The following DOCK1 variants were observed in gnomAD, a reference collection of about 807,000 sequenced individuals.
DOCK1 encodes the protein dedicator of cytokinesis protein 1.
Under a neutral mutation model 262.7 loss-of-function variants are expected in DOCK1, and 138 were observed. That is an observed-to-expected ratio of 0.53 (90% CI 0.46 to 0.61). The LOEUF (loss-of-function observed/expected upper bound fraction) is 0.61, where lower values mean the gene tolerates loss of function less well. Ranked by LOEUF, DOCK1 falls within the 20% of genes least tolerant of loss-of-function variation. DOCK1 has a pLI of 0.00. For missense variants in DOCK1, 1,908 were observed against 2,370.7 expected (o/e 0.80, Z 4.05); for synonymous variants, 866 against 867.4 (o/e 1.00, Z 0.03).
chr10:127,127,805 C>T, intron 27 of DOCK1, 41 bp downstream of exon 27: 1 of 1,547,960 alleles, frequency 6.5e-7, no homozygotes, highest in Non-Finnish European at 8.9e-7. Flanking sequence ...TTAACTGGGG[C>T]TGACAGCATC....
At chr10:127,384,708 G>A (rs995061530) in intron 37 of DOCK1, 82 bp from the exon 38 acceptor site, 59 of 1,430,896 alleles carry the variant, frequency 4.1e-5, no homozygotes, top group African/African-American at 1.4e-4. Flanking sequence ...GCCCACACGC[G>A]TGTCCGATGC....
chr10:127,090,902 T>A, intron 23 of DOCK1, among the ~76,000 whole-genome samples: 1 of 152,154 alleles, frequency 6.6e-6, no homozygotes, highest in East Asian at 1.9e-4. Context: ...GATGCACACC[T>A]GGCTTACTTC....
intron 36 of DOCK1, 136 bp from the exon 37 acceptor site, chr10:127,381,142 G>T: frequency 1.6e-6 from 1 of 629,612 alleles, no homozygotes; most frequent in Non-Finnish European, 2.4e-6. Context: ...AGTTTTTAAG[G>T]CATTTTGAAT....
At chr10:126,917,151 C>G (rs1291376952) in intron 1 of DOCK1, among the ~76,000 whole-genome samples, 1 of 152,200 alleles carries the variant, frequency 6.6e-6, no homozygotes, top group East Asian at 1.9e-4. Context: ...TGGGCAACAC[C>G]CTGGAGTCGA....
intron 22 of DOCK1, among the ~76,000 whole-genome samples, chr10:127,054,079 T>C (rs1219257608): frequency 2.6e-5 from 4 of 152,176 alleles, no homozygotes; most frequent in Non-Finnish European, 4.4e-5. Context: ...GAATAAGGAA[T>C]TGAAAGTGTG....
At chr10:127,369,437 A>G (rs1054753279) in intron 33 of DOCK1, among the ~76,000 whole-genome samples, 2 of 152,224 alleles carry the variant, frequency 1.3e-5, no homozygotes, top group African/African-American at 4.8e-5. Flanking sequence ...CTGCGATTAT[A>G]TTGAATTTCA....
intron 23 of DOCK1, among the ~76,000 whole-genome samples, chr10:127,076,024 C>T (rs190828539): frequency 2.2e-4 from 33 of 152,314 alleles, no homozygotes; most frequent in African/African-American, 7.7e-4. Flanking sequence ...CAGCACTGTT[C>T]TGTGCTGTGT....
chr10:127,279,250 T>G (rs1168888011), intron 29 of DOCK1, among the ~76,000 whole-genome samples: 1 of 152,220 alleles, frequency 6.6e-6, no homozygotes, highest in Non-Finnish European at 1.5e-5. Flanking sequence ...AATCAAAGCA[T>G]TTCATATTTA....
Position 127,324,422 on chromosome 10 carries a change from G to T in DOCK1, c.3045-14584G>T, listed in dbSNP as rs377349548. On this transcript the variant is annotated intron_variant, in intron 29 of 51. Coordinates refer to ENST00000623213, the MANE Select transcript of DOCK1 (RefSeq NM_001290223.2). ...GGGCAGATGGAGAAGACAGCCTCTGGGTCTCCAAACCCCTTTGGCTCTCAC... is the reference window on the plus strand; with the variant it reads ...GGGCAGATGGAGAAGACAGCCTCTGTGTCTCCAAACCCCTTTGGCTCTCAC... Among the ~76,000 whole-genome samples, 3 of 152,132 alleles carry T rather than the reference G, an allele frequency of 2.0e-5. No homozygotes were observed. In the East Asian group the frequency reaches 5.8e-4, roughly 29 times the overall value.
intron 27 of DOCK1, among the ~76,000 whole-genome samples, chr10:127,165,845 A>G (rs781552219): frequency 2.6e-5 from 4 of 152,154 alleles, no homozygotes; most frequent in African/African-American, 4.8e-5. Context: ...GTTAATGATT[A>G]CAGATCCTTC....
At chr10:127,432,560 T>C (rs1303191564) in intron 47 of DOCK1, among the ~76,000 whole-genome samples, 2 of 152,096 alleles carry the variant, frequency 1.3e-5, no homozygotes, top group Non-Finnish European at 2.9e-5. Context: ...TGGCTCGGGG[T>C]GCAGGTACCC....
At chr10:127,137,900 A>G (rs768054538) in intron 27 of DOCK1, 3 of 1,613,930 alleles carry the variant, frequency 1.9e-6, no homozygotes, top group African/African-American at 1.3e-5. Flanking sequence ...TTTGCTTGGG[A>G]GTTGAGGAGT....
In DOCK1 at chr10:127,374,129, G is replaced by T. The variant is rs138926927; in HGVS notation, c.3590G>T (p.Arg1197Leu). 2 of 1,613,662 alleles carry T rather than the reference G, an allele frequency of 1.2e-6. No individual in the cohort carries two copies. Among genetic ancestry groups the T allele is most frequent in the Non-Finnish European group, 1.7e-6 (2 of 1,179,760 alleles). The change falls in exon 35 of 52, where the codon CGC becomes CTC. Residue 1197 changes from arginine (R) to leucine (L), a missense_variant. Arg to Leu is a moderately radical substitution (Grantham distance 102). This residue lies in a region of DOCK1 where 518 missense variants were observed against 575.1 expected (regional missense o/e 0.90). Transcript: ENST00000623213. ...TGETFVKLVV[R>L]LMERLLDYRT... ...GAAACTTTTGTAAAACTCGTTGTGC[G>T]CTTAATGGAAAGGCTTTTGGATTAT...
At chr10:126,998,001 A>T (rs1170377790) in intron 7 of DOCK1, 91 bp from the exon 8 acceptor site, 1 of 1,509,442 alleles carries the variant, frequency 6.6e-7, no homozygotes, top group African/African-American at 1.4e-5. Flanking sequence ...CCAATGAGTT[A>T]TTACAATTTT....
In DOCK1 at chr10:127,407,735, C is replaced by T. The variant is rs187990920; in HGVS notation, c.4123-1302C>T. 5.4e-3 allele frequency among the ~76,000 whole-genome samples: 818 copies of T among 152,280 alleles called. 29 individuals carry two copies. Among genetic ancestry groups the T allele is most frequent in the Admixed American group, 0.05 (769 of 15,288 alleles). On this transcript the variant is annotated intron_variant, in intron 40 of 51. Transcript: ENST00000623213. ...GACTGCAGATGGGGCAGGGCTGCAG[C>T]TGACTTGGGAGCAGCCAACCTGGAG...
At chr10:127,363,056 T>TAC (rs2064681192) in intron 33 of DOCK1, among the ~76,000 whole-genome samples, 1 of 46,156 alleles carries the variant, frequency 2.2e-5, no homozygotes, top group Non-Finnish European at 3.7e-5. Context: ...CACACACACG[T>TAC]ACATCCCCAC....
At chr10:127,000,508 T>G in intron 10 of DOCK1, 1 of 706,468 alleles carries the variant, frequency 1.4e-6, no homozygotes, top group Non-Finnish European at 2.2e-6. Flanking sequence ...GTCCTCAAGT[T>G]TCAGATATAA....
chr10:127,345,603 T>C (rs1269181800), intron 31 of DOCK1, among the ~76,000 whole-genome samples: 2 of 152,218 alleles, frequency 1.3e-5, no homozygotes, highest in East Asian at 3.9e-4. Context: ...AAACAAGAAA[T>C]GCACTTGCTG....
At chr10:127,024,318 G>A (rs527526931) in intron 14 of DOCK1, among the ~76,000 whole-genome samples, 3 of 152,350 alleles carry the variant, frequency 2.0e-5, no homozygotes, top group South Asian at 4.1e-4. Context: ...ATGGCTGGAG[G>A]AAGGGGAGGG....
Sources: allele counts gnomAD v4.1 joint callset (sites outside exome capture counted in the v4.1 genomes callset), GRCh38; gene constraint gnomAD v4.1.1; regional missense constraint gnomAD v4.1.1; transcripts MANE v1.5; gene names NCBI Gene and HGNC (gene_info 2026-07-23, HGNC 2026-07-21).